Variants in PDGFD observed in about 807,000 individuals in gnomAD.
The protein encoded by PDGFD is platelet-derived growth factor D.
A neutral mutation model predicts 44.7 loss-of-function variants in PDGFD; 30 were observed. That is an observed-to-expected ratio of 0.67 (90% CI 0.50 to 0.91). The LOEUF (loss-of-function observed/expected upper bound fraction) is 0.91. Ranked by LOEUF, PDGFD falls within the 40% of genes least tolerant of loss-of-function variation. The pLI is 0.00. For synonymous variants in PDGFD, 173 were observed against 168.4 expected (o/e 1.03, Z -0.21); for missense variants, 445 against 457.8 (o/e 0.97, Z 0.25).
chr11:104,130,571 C>T (rs926684727), intron 1 of PDGFD, among the ~76,000 whole-genome samples: 1 of 152,170 alleles, frequency 6.6e-6, no homozygotes, highest in Non-Finnish European at 1.5e-5. Flanking sequence ...ATGAAATGTC[C>T]TTACATCAGT....
Position 104,113,213 on chromosome 11 carries a change from T to G in PDGFD, c.124+50591A>C, listed in dbSNP as rs1405535941. 2.0e-5 allele frequency among the ~76,000 whole-genome samples: 3 copies of G among 152,124 alleles called. No individual in the cohort carries two copies. The East Asian group carries it at 5.8e-4, about 29-fold the overall frequency. Reference sequence around the variant, plus strand: ...GAAGGTACTATCAATTCATTTTTAATAATTAAGAAAACACATGATTGAACA... The same window carrying G: ...GAAGGTACTATCAATTCATTTTTAAGAATTAAGAAAACACATGATTGAACA... On this transcript the variant is annotated intron_variant, in intron 1 of 6. Transcript: ENST00000393158.
At chr11:104,093,610 T>G (rs557737772) in intron 1 of PDGFD, among the ~76,000 whole-genome samples, 1 of 152,158 alleles carries the variant, frequency 6.6e-6, no homozygotes, top group South Asian at 2.1e-4. Context: ...CTTTCCTCCC[T>G]CATACTTTTC....
chr11:104,096,759 T>C (rs912029426), intron 1 of PDGFD, among the ~76,000 whole-genome samples: 1 of 152,146 alleles, frequency 6.6e-6, no homozygotes, highest in Non-Finnish European at 1.5e-5. Context: ...CACAACTGTA[T>C]AAAGGACTGG....
intron 1 of PDGFD, among the ~76,000 whole-genome samples, chr11:104,039,543 A>G (rs999131583): frequency 6.6e-6 from 1 of 152,134 alleles, no homozygotes; most frequent in East Asian, 1.9e-4. Flanking sequence ...TTTCTTCTCT[A>G]TAGGTGTTCC....
At position 104,047,126 on chromosome 11, in the gene PDGFD, C is replaced by T. The variant is rs767850567; in HGVS notation, c.125-46871G>A. 1.1e-4 allele frequency among the ~76,000 whole-genome samples: 16 copies of T among 147,206 alleles called. 3 individuals are homozygous for T. Among genetic ancestry groups the T allele is most frequent in the Non-Finnish European group, 1.7e-4 (11 of 65,918 alleles). On this transcript the variant is annotated intron_variant, in intron 1 of 6. Transcript: ENST00000393158. The stretch of plus-strand genomic sequence containing the variant: ...TGGTATATGTTTGCCACATTTTCTT[C>T]GTCCAGTCTATCATTGATGGGCATT...
chr11:103,927,093 C>T lies in PDGFD; in HGVS notation c.806G>A (p.Arg269His), dbSNP rs202233663. The change falls in exon 6 of 7, where the codon CGT becomes CAT. Residue 269 changes from arginine (R) to histidine (H), a missense_variant. Coordinates refer to ENST00000393158, the MANE Select transcript of PDGFD (RefSeq NM_025208.5). Reference sequence around the variant, plus strand: ...GTAATTCCTGGGAGTGCAACTGTAACGCTTGGCATCATCATTGAGCCTATC... The same window carrying T: ...GTAATTCCTGGGAGTGCAACTGTAATGCTTGGCATCATCATTGAGCCTATC... ...DLDRLNDDAK[R>H]YSCTPRNYSV... 8.1e-5 allele frequency: 130 copies of T among 1,614,020 alleles called. No individual in the cohort carries two copies. The highest frequency in any genetic ancestry group is 5.2e-4 in the Admixed American group (31 of 60,002).
At chr11:104,019,846 TCCCTACTACTTTCTAGTTG>T (rs1174565732) in intron 1 of PDGFD, among the ~76,000 whole-genome samples, 9 of 152,130 alleles carry the variant, frequency 5.9e-5, no homozygotes, top group Admixed American at 4.6e-4. Flanking sequence ...TTTGGAGTGT[TCCCTACTACTTTCTAGTTG>T]TGTGTCTTCG....
intron 1 of PDGFD, among the ~76,000 whole-genome samples, chr11:104,032,374 C>A (rs1268053393): frequency 6.6e-6 from 1 of 152,092 alleles, no homozygotes; most frequent in Non-Finnish European, 1.5e-5. Context: ...CTAAATTGCA[C>A]TGAAAATCTC....
chr11:104,069,202 A>C (rs1438638719), intron 1 of PDGFD, among the ~76,000 whole-genome samples: 4 of 152,200 alleles, frequency 2.6e-5, no homozygotes, highest in Admixed American at 2.0e-4. Flanking sequence ...TGAAGAGCAC[A>C]GGTCAATTAT....
At chr11:104,070,608 G>T (rs577497278) in intron 1 of PDGFD, among the ~76,000 whole-genome samples, 1 of 152,208 alleles carries the variant, frequency 6.6e-6, no homozygotes, top group African/African-American at 2.4e-5. Flanking sequence ...TTTCCCTCTG[G>T]TAAAATCATG....
intron 2 of PDGFD, among the ~76,000 whole-genome samples, chr11:103,998,365 G>A (rs954090693): frequency 6.6e-6 from 1 of 152,140 alleles, no homozygotes; most frequent in Non-Finnish European, 1.5e-5. Context: ...TCCACCCCTA[G>A]ACCTCTGGGG....
intron 1 of PDGFD, among the ~76,000 whole-genome samples, chr11:104,014,595 C>T (rs2408815): frequency 7.9e-5 from 12 of 151,980 alleles, no homozygotes; most frequent in Non-Finnish European, 1.8e-4. Flanking sequence ...TTAGAAGTAG[C>T]CTTTAATAAA....
intron 1 of PDGFD, among the ~76,000 whole-genome samples, chr11:104,062,342 T>C (rs1591145058): frequency 1.3e-5 from 2 of 152,230 alleles, no homozygotes; most frequent in Admixed American, 6.5e-5. Flanking sequence ...AATTCCTCCA[T>C]CTGTTCTTTC....
intron 3 of PDGFD, among the ~76,000 whole-genome samples, chr11:103,972,517 C>T (rs1009586925): frequency 6.6e-6 from 1 of 152,098 alleles, no homozygotes; most frequent in South Asian, 2.1e-4. Context: ...TTGCTGGAAA[C>T]GTTAGCCAGT....
rs773006701 is a variant in PDGFD at position 103,923,467 on chromosome 11, T to C, written c.987+3445A>G. ...ATTTGTGGAGAATCACACAAGCCTGTTATGTGACAAGGTCTCATTACCCCC... is the reference window on the plus strand; with the variant it reads ...ATTTGTGGAGAATCACACAAGCCTGCTATGTGACAAGGTCTCATTACCCCC... On this transcript the variant is annotated intron_variant, in intron 6 of 6. Transcript: ENST00000393158. Among the ~76,000 whole-genome samples the C allele has an allele frequency of 2.0e-5, 3 of 152,236 alleles. No individual in the cohort carries two copies. In the East Asian group the frequency reaches 5.8e-4, roughly 29 times the overall value.
At chr11:103,911,549 C>T (rs1858029043) in intron 6 of PDGFD, among the ~76,000 whole-genome samples, 1 of 152,128 alleles carries the variant, frequency 6.6e-6, no homozygotes, top group East Asian at 1.9e-4. Context: ...CTGAAAATTC[C>T]AAAAACCAGA....
At chr11:104,084,948 TATAA>T (rs930106199) in intron 1 of PDGFD, among the ~76,000 whole-genome samples, 4 of 147,800 alleles carry the variant, frequency 2.7e-5, no homozygotes, top group Non-Finnish European at 3.0e-5. Flanking sequence ...ATATATCACA[TATAA>T]ATAAATAAAA....
intron 1 of PDGFD, among the ~76,000 whole-genome samples, chr11:104,051,175 C>T (rs753653741): frequency 1.3e-5 from 2 of 152,072 alleles, no homozygotes; most frequent in African/African-American, 4.8e-5. Context: ...ATGCTGTCAG[C>T]GATAACACTC....
chr11:104,126,983 T>C (rs887414825), intron 1 of PDGFD, among the ~76,000 whole-genome samples: 1 of 151,906 alleles, frequency 6.6e-6, no homozygotes, highest in African/African-American at 2.4e-5. Context: ...TTTTTGAGGG[T>C]AGAAGGGGAG....
Sources: gnomAD v4.1 joint callset for allele counts (sites outside exome capture counted in the v4.1 genomes callset) on GRCh38, gnomAD v4.1.1 for gene constraint, MANE v1.5 for transcripts, NCBI Gene and HGNC (gene_info 2026-07-23, HGNC 2026-07-21) for gene names.